The following CDH12 variants were observed in gnomAD, a reference collection of about 807,000 sequenced individuals.
CDH12 encodes the protein cadherin-12.
Under a neutral mutation model 74.1 loss-of-function variants are expected in CDH12, and 41 were observed. The ratio of observed to expected loss-of-function variants is 0.55; its 90% CI spans 0.43 to 0.72. The LOEUF (loss-of-function observed/expected upper bound fraction) is 0.72, where lower values mean the gene tolerates loss of function less well. Among genes scored for constraint, CDH12 ranks in the 30% least tolerant of loss-of-function variants. The pLI is 0.00. For synonymous variants in CDH12, 399 were observed against 355.0 expected (o/e 1.12, Z -1.39); for missense variants, 945 against 977.2 (o/e 0.97, Z 0.44).
intron 3 of CDH12, among the ~76,000 whole-genome samples, chr5:22,367,219 T>G (rs2126327445): frequency 6.6e-6 from 1 of 152,292 alleles, no homozygotes; most frequent in Middle Eastern, 3.4e-3. Flanking sequence ...TTGCTCCAGA[T>G]ACCTAGTGAT....
chr5:22,294,558 T>C (rs991357640), intron 3 of CDH12, among the ~76,000 whole-genome samples: 3 of 152,158 alleles, frequency 2.0e-5, no homozygotes, highest in African/African-American at 7.2e-5. Context: ...TTAGATAAAT[T>C]CGAAATCTTA....
chr5:22,166,324 T>C (rs1003598811), intron 4 of CDH12, among the ~76,000 whole-genome samples: 1 of 152,210 alleles, frequency 6.6e-6, no homozygotes, highest in Non-Finnish European at 1.5e-5. Context: ...TTAATGAATA[T>C]CTGACTGCAC....
chr5:22,726,679 G>A (rs887322107), intron 1 of CDH12, among the ~76,000 whole-genome samples: 7 of 151,680 alleles, frequency 4.6e-5, no homozygotes, highest in African/African-American at 1.7e-4. Context: ...GTCACATGAT[G>A]TTTTTACAAC....
At chr5:21,925,497 T>C (rs78943325) in intron 6 of CDH12, among the ~76,000 whole-genome samples, 3,106 of 152,318 alleles carry the variant, frequency 0.02, 113 homozygotes, top group African/African-American at 0.071. Context: ...TCTTTGATAA[T>C]GTGTTACCTA....
chr5:22,369,144 G>A (rs751942516), intron 3 of CDH12, among the ~76,000 whole-genome samples: 24 of 149,652 alleles, frequency 1.6e-4, no homozygotes, highest in East Asian at 4.0e-4. Context: ...ATAAATAAAT[G>A]AATGAATAAA....
intron 3 of CDH12, among the ~76,000 whole-genome samples, chr5:22,369,032 G>A (rs1250812274): frequency 6.6e-6 from 1 of 152,088 alleles, no homozygotes; most frequent in East Asian, 1.9e-4. Context: ...GGGAGGCTGA[G>A]GCAGGAGAAT....
chr5:21,872,327 C>A (rs1366534988), intron 6 of CDH12, among the ~76,000 whole-genome samples: 1 of 152,126 alleles, frequency 6.6e-6, no homozygotes. Flanking sequence ...TGATTCAAAC[C>A]TACTTTGATG....
intron 1 of CDH12, among the ~76,000 whole-genome samples, chr5:22,618,673 G>A (rs1020768532): frequency 1.9e-4 from 29 of 152,084 alleles, no homozygotes; most frequent in African/African-American, 6.5e-4. Context: ...ATTCAAAGGT[G>A]TGTTTTAAAA....
chr5:22,171,154 C>T (rs1413607199), intron 4 of CDH12, among the ~76,000 whole-genome samples: 2 of 151,840 alleles, frequency 1.3e-5, no homozygotes, highest in South Asian at 4.1e-4. Flanking sequence ...CAGGCCTTTG[C>T]TTCTATTCCT....
intron 6 of CDH12, chr5:21,884,097 TA>T: frequency 5.5e-6 from 8 of 1,442,050 alleles, no homozygotes; most frequent in Non-Finnish European, 6.8e-6. Context: ...AGAAGTTGGT[TA>T]TGATGCTATG....
At chr5:22,047,874 G>A (rs1740071342) in intron 5 of CDH12, among the ~76,000 whole-genome samples, 1 of 152,144 alleles carries the variant, frequency 6.6e-6, no homozygotes, top group Admixed American at 6.5e-5. Flanking sequence ...GTGTGAGATG[G>A]TCACACAGAG....
At chr5:22,415,751 G>T (rs1416395799) in intron 2 of CDH12, among the ~76,000 whole-genome samples, 3 of 152,160 alleles carry the variant, frequency 2.0e-5, no homozygotes, top group Admixed American at 6.5e-5. Flanking sequence ...TGTATCACAA[G>T]TTTTACTGAT....
chr5:22,163,201 G>C (rs1331131751), intron 4 of CDH12, among the ~76,000 whole-genome samples: 1 of 152,096 alleles, frequency 6.6e-6, no homozygotes, highest in African/African-American at 2.4e-5. Flanking sequence ...TTTTAATGTT[G>C]CATCTCAAGG....
At position 22,682,567 on chromosome 5, in the gene CDH12, T is replaced by C. The variant is rs563420998; in HGVS notation, c.-523+170491A>G. On this transcript the variant is annotated intron_variant, in intron 1 of 14. Coordinates refer to ENST00000382254, the MANE Select transcript of CDH12 (RefSeq NM_004061.5). ...GAACTCAGACTATTCTAAAACTTAA[T>C]AGGAACTAGTTATCTTTTGAAACCA... 9.9e-5 allele frequency among the ~76,000 whole-genome samples: 15 copies of C among 152,168 alleles called. No individual in the cohort carries two copies. In the South Asian group the frequency reaches 2.5e-3, roughly 25 times the overall value.
intron 1 of CDH12, among the ~76,000 whole-genome samples, chr5:22,792,952 G>T (rs1747992448): frequency 6.6e-6 from 1 of 152,208 alleles, no homozygotes; most frequent in African/African-American, 2.4e-5. Flanking sequence ...CTCAAGAACA[G>T]TGATTTTCAC....
chr5:22,051,956 A>C (rs1240146643), intron 5 of CDH12, among the ~76,000 whole-genome samples: 1 of 152,196 alleles, frequency 6.6e-6, no homozygotes, highest in East Asian at 1.9e-4. Context: ...TATTTCCTTC[A>C]TAATTTCCAA....
intron 1 of CDH12, among the ~76,000 whole-genome samples, chr5:22,677,180 C>T (rs1039549292): frequency 1.3e-5 from 2 of 152,000 alleles, no homozygotes; most frequent in African/African-American, 4.8e-5. Context: ...GACCCTGACC[C>T]CTAATCATAA....
In CDH12 at chr5:21,802,045, A is replaced by C. The variant is rs1376495777; in HGVS notation, c.1256+122T>G. ...TCTTATGTAAAGTCATTATGTTTTC[A>C]AGCATCATATTCTATAATTAAATCA... On this transcript the variant is annotated intron_variant, in intron 10 of 14. Coordinates refer to ENST00000382254, the MANE Select transcript of CDH12 (RefSeq NM_004061.5). The C allele has an allele frequency of 3.7e-6, 3 of 810,516 alleles. No individual in the cohort carries two copies. The East Asian group carries it at 8.0e-5, about 22-fold the overall frequency. 50.2% of individuals were successfully genotyped at this position (810,516 alleles called of 1,614,324 possible). A position where few individuals can be genotyped will look rare whatever the true frequency, so the allele number is the denominator to read the frequency against.
At position 22,608,371 on chromosome 5, in the gene CDH12, T is replaced by C. The variant is rs561146651; in HGVS notation, c.-522-103007A>G. ...TTGGATGGGGCCTGTATCCTCTTCA[T>C]TTTGATCGATTTCTCCCATTTGGAA... On this transcript the variant is annotated intron_variant, in intron 1 of 14. Coordinates refer to ENST00000382254, the MANE Select transcript of CDH12 (RefSeq NM_004061.5). 1.6e-4 allele frequency among the ~76,000 whole-genome samples: 24 copies of C among 152,294 alleles called. No homozygotes were observed. In the South Asian group the frequency reaches 3.7e-3, roughly 24 times the overall value.
Sources: gnomAD v4.1 joint callset for allele counts (sites outside exome capture counted in the v4.1 genomes callset) on GRCh38, gnomAD v4.1.1 for gene constraint, MANE v1.5 for transcripts, NCBI Gene and HGNC (gene_info 2026-07-23, HGNC 2026-07-21) for gene names.